Variants in LONP2 observed in about 807,000 individuals in gnomAD.
LONP2 encodes the protein lon protease homolog 2, peroxisomal.
In LONP2, 60 loss-of-function variants were observed where a neutral mutation model predicts 85.6. That is an observed-to-expected ratio of 0.70 (90% CI 0.57 to 0.87). The LOEUF is 0.87. Ranked by LOEUF, LONP2 falls within the 40% of genes least tolerant of loss-of-function variation. LONP2 has a pLI of 0.00. For synonymous variants in LONP2, 395 were observed against 389.7 expected (o/e 1.01, Z -0.16); for missense variants, 860 against 1,063.5 (o/e 0.81, Z 2.66).
chr16:48,280,055 C>G (rs549017515), intron 8 of LONP2, among the ~76,000 whole-genome samples: 36 of 152,022 alleles, frequency 2.4e-4, no homozygotes, highest in Non-Finnish European at 1.2e-4. Context: ...ACTTAAAAGC[C>G]CTGGTATTTG....
At chr16:48,342,613 C>G (rs546395680) in intron 12 of LONP2, among the ~76,000 whole-genome samples, 1 of 152,338 alleles carries the variant, frequency 6.6e-6, no homozygotes, top group South Asian at 2.1e-4. Context: ...CTGCTTAATG[C>G]TGCTTAAGAG....
At chr16:48,262,907 AT>A in intron 6 of LONP2, 35 bp downstream of exon 6, 1 of 1,312,580 alleles carries the variant, frequency 7.6e-7, no homozygotes, top group South Asian at 1.3e-5. Flanking sequence ...TTGCAGTCTA[AT>A]TGTCACTCAG....
intron 12 of LONP2, among the ~76,000 whole-genome samples, chr16:48,337,922 C>T (rs117323353): frequency 0.082 from 12,486 of 152,196 alleles, 550 homozygotes; most frequent in Middle Eastern, 0.11. Context: ...CCCACTTCAG[C>T]CTCCTGAGTA....
Position 48,244,331 on chromosome 16 carries a change from C to T in LONP2, c.-58C>T, listed in dbSNP as rs111517081. ...GAGGTTTGGTGACTGCGGGGCAGGC[C>T]GGGGGCAGCTGTCTGTCTGGCTCTT... On this transcript the variant is annotated 5_prime_UTR_variant, in exon 1 of 15. Transcript: ENST00000285737. 1.8e-3 allele frequency: 2,307 copies of T among 1,301,008 alleles called. 3 individuals are homozygous for T. The highest frequency in any genetic ancestry group is 2.2e-3 in the Non-Finnish European group (2,190 of 974,082). 80.6% of individuals were successfully genotyped at this position (1,301,008 alleles called of 1,614,324 possible). A position where few individuals can be genotyped will look rare whatever the true frequency, so the allele number is the denominator to read the frequency against.
intron 8 of LONP2, among the ~76,000 whole-genome samples, chr16:48,282,064 T>C (rs902042993): frequency 6.6e-6 from 1 of 152,220 alleles, no homozygotes; most frequent in Non-Finnish European, 1.5e-5. Flanking sequence ...CCTTGTTTTA[T>C]TGTGTTGTGC....
chr16:48,244,726 C>A (rs943601104), intron 1 of LONP2, 105 bp downstream of exon 1: 23 of 797,812 alleles, frequency 2.9e-5, no homozygotes, highest in Non-Finnish European at 3.7e-5. Context: ...TTCGGGGCGG[C>A]CTTCGCGGCT....
chr16:48,274,970 A>G (rs16946049), intron 7 of LONP2, among the ~76,000 whole-genome samples: 1,832 of 152,276 alleles, frequency 0.012, 38 homozygotes, highest in African/African-American at 0.042. Context: ...TGAAATGCCT[A>G]TATTTTTCTC....
At chr16:48,292,426 C>G (rs373311854) in intron 8 of LONP2, among the ~76,000 whole-genome samples, 1 of 152,110 alleles carries the variant, frequency 6.6e-6, no homozygotes, top group Admixed American at 6.6e-5. Flanking sequence ...GTTTGTGTGA[C>G]GCAGTTCCCA....
At chr16:48,257,607 TTAAGA>T (rs1971785969) in intron 3 of LONP2, among the ~76,000 whole-genome samples, 1 of 152,250 alleles carries the variant, frequency 6.6e-6, no homozygotes, top group African/African-American at 2.4e-5. Flanking sequence ...ACACTTATTT[TTAAGA>T]TATTTTTAAA....
chr16:48,276,342 CTG>C (rs1972207383), intron 7 of LONP2, among the ~76,000 whole-genome samples: 1 of 152,170 alleles, frequency 6.6e-6, no homozygotes, highest in Admixed American at 6.5e-5. Context: ...CAGGCCTGCT[CTG>C]TGAATCGGCT....
At chr16:48,293,332 G>A (rs1972596047) in intron 8 of LONP2, among the ~76,000 whole-genome samples, 1 of 152,144 alleles carries the variant, frequency 6.6e-6, no homozygotes, top group Non-Finnish European at 1.5e-5. Context: ...GGAGGCTGAG[G>A]CAGGAGAATG....
chr16:48,328,762 A>T (rs535818891), intron 11 of LONP2, among the ~76,000 whole-genome samples: 2 of 146,372 alleles, frequency 1.4e-5, no homozygotes, highest in Admixed American at 1.4e-4. Context: ...TGAGAATCGC[A>T]TGAACACAGA....
intron 4 of LONP2, among the ~76,000 whole-genome samples, chr16:48,260,209 T>A (rs571529275): frequency 3.9e-5 from 6 of 152,324 alleles, no homozygotes; most frequent in Non-Finnish European, 8.8e-5. Context: ...ATTTAGTACT[T>A]GTGTTTTTAT....
intron 11 of LONP2, among the ~76,000 whole-genome samples, chr16:48,320,193 C>G (rs1031862921): frequency 9.3e-5 from 14 of 150,826 alleles, no homozygotes; most frequent in Non-Finnish European, 7.4e-5. Context: ...TTTTTCTAAG[C>G]CCGCATTGAA....
chr16:48,357,790 A>G (rs1960431565), downstream of LONP2, among the ~76,000 whole-genome samples: 2 of 152,344 alleles, frequency 1.3e-5, no homozygotes, highest in South Asian at 4.1e-4. Flanking sequence ...ATCTACAGCC[A>G]CTTACATACG....
At chr16:48,300,378 A>T (rs1972778205) in intron 10 of LONP2, among the ~76,000 whole-genome samples, 1 of 152,256 alleles carries the variant, frequency 6.6e-6, no homozygotes, top group Admixed American at 6.5e-5. Context: ...TGTGTAAATT[A>T]TCTGAATAGA....
At chr16:48,319,255 C>T (rs1973212349) in intron 11 of LONP2, among the ~76,000 whole-genome samples, 1 of 151,996 alleles carries the variant, frequency 6.6e-6, no homozygotes, top group African/African-American at 2.4e-5. Context: ...GTGGTGGGTG[C>T]CTGTAATCTC....
chr16:48,294,237 G>C (rs1243358049), intron 8 of LONP2, among the ~76,000 whole-genome samples: 1 of 152,102 alleles, frequency 6.6e-6, no homozygotes, highest in Admixed American at 6.6e-5. Context: ...CACCGTGCCC[G>C]GCCTGTGAAC....
chr16:48,315,747 A>G (rs573717740), intron 11 of LONP2, among the ~76,000 whole-genome samples: 5 of 151,730 alleles, frequency 3.3e-5, no homozygotes, highest in Admixed American at 6.6e-5. Flanking sequence ...CTTTTCAAAT[A>G]TTCTTCCCAT....
Sources: gnomAD v4.1 joint callset for allele counts (sites outside exome capture counted in the v4.1 genomes callset) on GRCh38, gnomAD v4.1.1 for gene constraint, MANE v1.5 for transcripts, NCBI Gene and HGNC (gene_info 2026-07-23, HGNC 2026-07-21) for gene names.